The following SGCD variants were observed in gnomAD, a reference collection of about 807,000 sequenced individuals.
SGCD encodes the protein delta-sarcoglycan.
A neutral mutation model predicts 36.6 loss-of-function variants in SGCD; 18 were observed. That is an observed-to-expected ratio of 0.49 (90% CI 0.34 to 0.73). The LOEUF (loss-of-function observed/expected upper bound fraction) is 0.73. SGCD is among the 30% of genes least tolerant of loss of function. The pLI, the probability that SGCD is intolerant of heterozygous loss-of-function variation, is 0.01. For missense variants in SGCD, 387 were observed against 346.7 expected, an observed-to-expected ratio of 1.12 and a Z score of -0.92; for synonymous variants, 133 against 130.6, an observed-to-expected ratio of 1.02 and a Z score of -0.12.
chr5:156,374,707 G>A (rs1030927491), intron 3 of SGCD, among the ~76,000 whole-genome samples: 3 of 147,696 alleles, frequency 2.0e-5, no homozygotes, highest in African/African-American at 7.6e-5. Context: ...TGTTGCCCAG[G>A]CTGGAGTGCA....
At chr5:156,570,123 G>A (rs1759659183) in intron 4 of SGCD, among the ~76,000 whole-genome samples, 2 of 152,084 alleles carry the variant, frequency 1.3e-5, no homozygotes, top group Non-Finnish European at 2.9e-5. Flanking sequence ...AAACAGCTAT[G>A]TTTACATTTC....
intron 7 of SGCD, among the ~76,000 whole-genome samples, chr5:156,707,882 T>G (rs1035423850): frequency 6.6e-6 from 1 of 152,218 alleles, no homozygotes; most frequent in African/African-American, 2.4e-5. Flanking sequence ...GAGCTGTATT[T>G]TCTTCAACAA....
chr5:155,946,485 T>C (rs1428090632), intron 1 of SGCD, among the ~76,000 whole-genome samples: 1 of 152,106 alleles, frequency 6.6e-6, no homozygotes, highest in Non-Finnish European at 1.5e-5. Context: ...GGTTGATAAA[T>C]GTGAAGACCA....
At chr5:155,847,482 A>G in the SGCD span, among the ~76,000 whole-genome samples, 5 of 152,202 alleles carry the variant, frequency 3.3e-5, no homozygotes, top group Admixed American at 2.6e-4. Context: ...TCTTCCCATC[A>G]AGAGTTGAGT....
At chr5:156,296,492 A>G (rs903057229) in intron 3 of SGCD, among the ~76,000 whole-genome samples, 20 of 151,996 alleles carry the variant, frequency 1.3e-4, no homozygotes, top group African/African-American at 4.3e-4. Context: ...TTAACACTGC[A>G]TTTTCATTTG....
chr5:156,053,332 C>T (rs1187731233), intron 1 of SGCD, among the ~76,000 whole-genome samples: 1 of 145,958 alleles, frequency 6.9e-6, no homozygotes, highest in Non-Finnish European at 1.5e-5. Flanking sequence ...AGGGCAGCAG[C>T]TGTCACTGCT....
chr5:156,504,392 G>GTATA (rs59580975), intron 3 of SGCD, among the ~76,000 whole-genome samples: 1,055 of 74,962 alleles, frequency 0.014, 6 homozygotes, highest in South Asian at 0.026. Flanking sequence ...GTGTGTGTGT[G>GTATA]TATATATATA....
Position 156,118,272 on chromosome 5 carries a change from G to A in SGCD, c.-208+321G>A, listed in dbSNP as rs576255767. 3.3e-5 allele frequency among the ~76,000 whole-genome samples: 5 copies of A among 152,236 alleles called. No homozygotes were observed. The East Asian group carries it at 9.7e-4, about 29-fold the overall frequency. On this transcript the variant is annotated intron_variant, in intron 2 of 9. Coordinates refer to the SGCD transcript ENST00000517913. ...ACTGGCATGCATGGAAGCTTATGGGGTGTGGTGTCTGAATGTGTGAATCCT... is the reference window on the plus strand; with the variant it reads ...ACTGGCATGCATGGAAGCTTATGGGATGTGGTGTCTGAATGTGTGAATCCT...
intron 1 of SGCD, among the ~76,000 whole-genome samples, chr5:155,947,739 G>A (rs1757468124): frequency 6.6e-6 from 1 of 152,120 alleles, no homozygotes; most frequent in Non-Finnish European, 1.5e-5. Flanking sequence ...TCAACTCTCT[G>A]TCTTCTAACT....
chr5:156,751,706 C>T (rs1314466338), intron 7 of SGCD, among the ~76,000 whole-genome samples: 1 of 152,190 alleles, frequency 6.6e-6, no homozygotes, highest in East Asian at 1.9e-4. Context: ...TGCTTAACTC[C>T]ATTAATAATT....
chr5:156,656,722 A>C (rs1763696980), intron 7 of SGCD, among the ~76,000 whole-genome samples: 1 of 152,232 alleles, frequency 6.6e-6, no homozygotes, highest in African/African-American at 2.4e-5. Flanking sequence ...TAGAACTAAA[A>C]ATTTCACTAA....
chr5:155,782,101 C>T, the SGCD span, among the ~76,000 whole-genome samples: 1 of 151,178 alleles, frequency 6.6e-6, no homozygotes, highest in East Asian at 1.9e-4. Context: ...CTCAGCTCAC[C>T]GCAACCTCTG....
chr5:155,861,251 G>A, the SGCD span, among the ~76,000 whole-genome samples: 17 of 152,226 alleles, frequency 1.1e-4, no homozygotes, highest in East Asian at 3.3e-3. Flanking sequence ...TGTATCAGGA[G>A]GAAATAGTTT....
At position 156,337,534 on chromosome 5, in the gene SGCD, C is replaced by T. The variant is rs190286076; in HGVS notation, c.4-6955C>T. On this transcript the variant is annotated intron_variant, in intron 2 of 8. Coordinates refer to ENST00000337851, the MANE Select transcript of SGCD (RefSeq NM_000337.6). ...TCAGTTCTTCAGGCCGTAGTGCTTG[C>T]TCTGCCTTCTGCTGAAAAGCTTGCC... 2.0e-4 allele frequency among the ~76,000 whole-genome samples: 30 copies of T among 152,318 alleles called. No individual in the cohort carries two copies. The South Asian group carries it at 2.5e-3, about 13-fold the overall frequency.
At chr5:156,408,755 C>G (rs142927970) in intron 3 of SGCD, among the ~76,000 whole-genome samples, 1 of 152,296 alleles carries the variant, frequency 6.6e-6, no homozygotes, top group African/African-American at 2.4e-5. Context: ...CTCTTTCTTT[C>G]CCATTCCCGA....
At chr5:155,958,467 C>A (rs1757712233) in intron 1 of SGCD, among the ~76,000 whole-genome samples, 1 of 152,064 alleles carries the variant, frequency 6.6e-6, no homozygotes, top group Admixed American at 6.6e-5. Flanking sequence ...TCTTTATCAC[C>A]AATCTATTCT....
At chr5:156,669,070 C>T (rs886269216) in intron 7 of SGCD, among the ~76,000 whole-genome samples, 5 of 152,216 alleles carry the variant, frequency 3.3e-5, no homozygotes, top group African/African-American at 1.2e-4. Context: ...TCAAGGAATG[C>T]TAATGGACAA....
intron 6 of SGCD, among the ~76,000 whole-genome samples, chr5:156,640,311 T>C (rs1762982214): frequency 1.3e-5 from 2 of 152,174 alleles, no homozygotes. Flanking sequence ...TCTCTAGATA[T>C]ATATATACAT....
chr5:156,394,513 A>G (rs1485122532), intron 3 of SGCD, among the ~76,000 whole-genome samples: 3 of 152,240 alleles, frequency 2.0e-5, no homozygotes, highest in Non-Finnish European at 4.4e-5. Flanking sequence ...AAGGACAATT[A>G]TTACATCTAT....
Sources: allele counts gnomAD v4.1 joint callset (sites outside exome capture counted in the v4.1 genomes callset), GRCh38; gene constraint gnomAD v4.1.1; transcripts MANE v1.5; gene names NCBI Gene and HGNC (gene_info 2026-07-23, HGNC 2026-07-21).